Variants in TIAM2 observed in about 807,000 individuals in gnomAD.
TIAM2 encodes the protein TIAM Rac1 associated GEF 2.
A neutral mutation model predicts 152.9 loss-of-function variants in TIAM2; 80 were observed. The observed-to-expected ratio is 0.52, with a 90% CI of 0.44 to 0.63. The LOEUF (loss-of-function observed/expected upper bound fraction) is 0.63. Ranked by LOEUF, TIAM2 falls within the 30% of genes least tolerant of loss-of-function variation. The pLI, the probability that TIAM2 is intolerant of heterozygous loss-of-function variation, is 0.00. For synonymous variants in TIAM2, 804 were observed against 838.0 expected, an observed-to-expected ratio of 0.96 and a Z score of 0.70; for missense variants, 1,965 against 2,120.1, an observed-to-expected ratio of 0.93 and a Z score of 1.44.
chr6:155,219,465 A>ATT (rs1781967540), intron 15 of TIAM2, among the ~76,000 whole-genome samples: 1 of 152,032 alleles, frequency 6.6e-6, no homozygotes, highest in African/African-American at 2.4e-5. Flanking sequence ...AGTTGGGCGG[A>ATT]GTGTGGCACC....
chr6:155,050,142 T>G (rs1050791708), intron 1 of TIAM2, among the ~76,000 whole-genome samples: 2 of 152,182 alleles, frequency 1.3e-5, no homozygotes, highest in Admixed American at 6.5e-5. Context: ...ATTTTGACAT[T>G]AGAATTTAGA....
chr6:155,175,599 G>A (rs1038385141), intron 9 of TIAM2, among the ~76,000 whole-genome samples: 16 of 152,118 alleles, frequency 1.1e-4, no homozygotes, highest in Admixed American at 2.0e-4. Flanking sequence ...GAGCTGAATC[G>A]TACGTAGCAA....
chr6:155,075,336 G>A (rs1428109433), intron 1 of TIAM2, among the ~76,000 whole-genome samples: 1 of 150,190 alleles, frequency 6.7e-6, no homozygotes, highest in African/African-American at 2.5e-5. Context: ...CTTTTGTGTC[G>A]TTACTTGGGA....
At chr6:155,073,186 T>G (rs1256969011) in intron 1 of TIAM2, among the ~76,000 whole-genome samples, 1 of 125,012 alleles carries the variant, frequency 8.0e-6, no homozygotes, top group African/African-American at 3.1e-5. Context: ...TTTTTTAGAC[T>G]AAGTCTCGCT....
intron 1 of TIAM2, among the ~76,000 whole-genome samples, chr6:155,077,675 T>A (rs1777989009): frequency 6.6e-6 from 1 of 152,210 alleles, no homozygotes; most frequent in Admixed American, 6.6e-5. Flanking sequence ...ATTATTTAAC[T>A]TTCTTAACTT....
intron 16 of TIAM2, among the ~76,000 whole-genome samples, chr6:155,243,274 T>TC (rs1394820532): frequency 6.6e-6 from 1 of 152,096 alleles, no homozygotes; most frequent in African/African-American, 2.4e-5. Flanking sequence ...AACTTGACCC[T>TC]CCCAGCTCCA....
chr6:155,047,541 C>T (rs1475809570), intron 1 of TIAM2, among the ~76,000 whole-genome samples: 13 of 152,054 alleles, frequency 8.5e-5, no homozygotes, highest in African/African-American at 1.7e-4. Flanking sequence ...CCTATCGCCA[C>T]ACCACCTCTT....
rs544766632 is a variant in TIAM2, at chr6:155,130,509, G to A, written c.1194+92G>A. On this transcript the variant is annotated intron_variant, in intron 4 of 26. Coordinates refer to ENST00000682666, the MANE Select transcript of TIAM2 (RefSeq NM_012454.4). ...GTAGAAGCCACCATAGAGTGTTGTC[G>A]GGGTGCTTAAGTGATCTGGCAAAAG... 2,590 of 1,238,354 alleles carry A rather than the reference G, an allele frequency of 2.1e-3. 1 individual carries two copies. The highest frequency in any genetic ancestry group is 2.5e-3 in the Non-Finnish European group (2,241 of 899,200). 76.7% of individuals were successfully genotyped at this position (1,238,354 alleles called of 1,614,324 possible).
At chr6:155,055,874 A>T (rs894508336) in intron 1 of TIAM2, among the ~76,000 whole-genome samples, 2 of 151,974 alleles carry the variant, frequency 1.3e-5, no homozygotes. Context: ...AAGTGGGAGG[A>T]TCCCTTGAGC....
chr6:155,018,682 CTT>C (rs1368142799), intron 1 of TIAM2, among the ~76,000 whole-genome samples: 11 of 352 alleles, frequency 0.031, no homozygotes, highest in African/African-American at 0.083. Flanking sequence ...CTCCCCTCCC[CTT>C]CCCTCCCCTT....
At chr6:155,126,065 G>A (rs1274100251) in intron 2 of TIAM2, among the ~76,000 whole-genome samples, 1 of 152,198 alleles carries the variant, frequency 6.6e-6, no homozygotes, top group Non-Finnish European at 1.5e-5. Flanking sequence ...AGAGGTGGAA[G>A]CAACCCAAGT....
chr6:155,157,863 G>C lies in TIAM2; in HGVS notation c.2029-6552G>C, dbSNP rs112404166. ...CTTGATTTACTTGTTTTTATAACTT[G>C]GATTTTTCAGGTCGATTTGATGGGA... On this transcript the variant is annotated intron_variant, in intron 7 of 26. Transcript: ENST00000682666. Among the ~76,000 whole-genome samples, 590 of 152,222 alleles carry C rather than the reference G, an allele frequency of 3.9e-3. 6 individuals are homozygous for C. Among genetic ancestry groups the C allele is most frequent in the African/African-American group, 0.014 (570 of 41,544 alleles).
In TIAM2 at chr6:155,047,680, GAGAGAGAGGAGAGAGAGAGAGAGAGCGA is replaced by G. The variant is rs1777211080; in HGVS notation, c.-208-42608_-208-42581del. 1.1e-4 allele frequency among the ~76,000 whole-genome samples: 5 copies of G among 44,936 alleles called. 1 individual carries two copies. The highest frequency in any genetic ancestry group is 8.4e-4 in the Admixed American group (4 of 4,754). The allele number at this position is 44,936 out of a possible 152,430, so 29.5% of individuals were successfully genotyped here. On this transcript the variant is annotated intron_variant, in intron 1 of 26. Transcript: ENST00000682666. ...GAGAGAGAGAGAGGAGAGAGAGAGA[GAGAGAGAGGAGAGAGAGAGAGAGAGCGA>G]GAGAGAGAGAGAGAGAGCGAGAGAG...
intron 1 of TIAM2, among the ~76,000 whole-genome samples, chr6:155,054,300 C>A (rs543537536): frequency 9.2e-5 from 14 of 152,326 alleles, no homozygotes; most frequent in Admixed American, 9.2e-4. Context: ...TCTCACCTTA[C>A]AGGTGACAGC....
chr6:155,165,219 A>G (rs1433975677), intron 8 of TIAM2, 44 bp from the exon 9 acceptor site: 2 of 1,562,192 alleles, frequency 1.3e-6, no homozygotes, highest in African/African-American at 1.4e-5. Flanking sequence ...CTGCCACTCA[A>G]ATACTAAGCC....
At chr6:155,180,474 G>A (rs1030807115) in intron 12 of TIAM2, among the ~76,000 whole-genome samples, 4 of 151,980 alleles carry the variant, frequency 2.6e-5, no homozygotes, top group African/African-American at 9.7e-5. Flanking sequence ...TAAATATATC[G>A]ATACATGATT....
intron 1 of TIAM2, among the ~76,000 whole-genome samples, chr6:155,030,667 G>A (rs73795822): frequency 0.011 from 1,729 of 152,236 alleles, 33 homozygotes; most frequent in African/African-American, 0.039. Flanking sequence ...TACTTTCTCC[G>A]TCTTGCTCCT....
intron 7 of TIAM2, among the ~76,000 whole-genome samples, chr6:155,155,191 T>C (rs1240900984): frequency 3.9e-5 from 6 of 152,216 alleles, no homozygotes; most frequent in African/African-American, 1.4e-4. Flanking sequence ...ATTTTTTATT[T>C]TTTAAGGCAG....
chr6:155,254,171 T>C lies in TIAM2; in HGVS notation c.4313+111T>C. 5.8e-6 allele frequency: 7 copies of C among 1,209,960 alleles called. No homozygotes were observed. In the South Asian group the frequency reaches 1.1e-4, roughly 18 times the overall value. 75.0% of individuals were successfully genotyped at this position (1,209,960 alleles called of 1,614,324 possible). On this transcript the variant is annotated intron_variant, in intron 25 of 26. Coordinates refer to ENST00000682666, the MANE Select transcript of TIAM2 (RefSeq NM_012454.4). ...AATTTTGATGATATCAGGGTCATAC[T>C]CCCCACCCTCCGAAAAAGGCAACTG...
Sources: allele counts gnomAD v4.1 joint callset (sites outside exome capture counted in the v4.1 genomes callset), GRCh38; gene constraint gnomAD v4.1.1; transcripts MANE v1.5; gene names NCBI Gene and HGNC (gene_info 2026-07-23, HGNC 2026-07-21).